Variants in DENND5A observed in about 807,000 individuals in gnomAD.
DENND5A encodes DENN domain containing 5A.
A neutral mutation model predicts 140.3 loss-of-function variants in DENND5A; 64 were observed. The observed-to-expected ratio is 0.46, with a 90% CI of 0.37 to 0.56. The LOEUF (loss-of-function observed/expected upper bound fraction) is 0.56. DENND5A is among the 20% of genes least tolerant of loss of function. DENND5A has a pLI of 0.00. For missense variants in DENND5A, 1,292 were observed against 1,593.8 expected (o/e 0.81, Z 3.22); for synonymous variants, 605 against 607.7 (o/e 1.00, Z 0.07).
chr11:9,206,803 T>A (rs910363398), intron 2 of DENND5A, 21 bp from the exon 3 acceptor site: 3 of 1,527,548 alleles, frequency 2.0e-6, no homozygotes, highest in Non-Finnish European at 1.8e-6. Context: ...AAGAATGAAG[T>A]AAATCATTTC....
At chr11:9,211,447 A>C (rs1484832124) in intron 1 of DENND5A, among the ~76,000 whole-genome samples, 1 of 152,164 alleles carries the variant, frequency 6.6e-6, no homozygotes, top group Non-Finnish European at 1.5e-5. Flanking sequence ...AAAATAAAAA[A>C]AGAATGCTCT....
intron 3 of DENND5A, among the ~76,000 whole-genome samples, chr11:9,204,795 G>T (rs1021883578): frequency 2.0e-5 from 3 of 152,330 alleles, no homozygotes; most frequent in Admixed American, 2.0e-4. Flanking sequence ...TCAGGAGACG[G>T]AGGTTGCAGT....
chr11:9,170,627 T>C lies in DENND5A; in HGVS notation c.2057A>G (p.Lys686Arg). The C allele has an allele frequency of 6.2e-7, 1 of 1,613,774 alleles. No homozygotes were observed. The highest frequency in any genetic ancestry group is 8.5e-7 in the Non-Finnish European group (1 of 1,179,948). The part of the protein sequence containing the change: ...DVLSTGPASN[K>R]WTKRNAPAQW... Reference sequence around the variant, plus strand: ...TAGTGAATCCCTGGGGTTGACTCACTTGTTGCTGGCTGGCCCAGTGGAAAG... The same window carrying C: ...TAGTGAATCCCTGGGGTTGACTCACCTGTTGCTGGCTGGCCCAGTGGAAAG... The change falls in exon 9 of 23, where the codon AAG becomes AGG. Residue 686 changes from lysine (K) to arginine (R), a missense_variant and splice_region_variant. Coordinates refer to ENST00000328194, the MANE Select transcript of DENND5A (RefSeq NM_015213.4).
At chr11:9,148,912 G>C (rs1847519534) in intron 15 of DENND5A, among the ~76,000 whole-genome samples, 2 of 152,338 alleles carry the variant, frequency 1.3e-5, no homozygotes, top group African/African-American at 4.8e-5. Flanking sequence ...GAGCAAGCGA[G>C]AAAGCAACAA....
Position 9,220,960 on chromosome 11 carries a change from T to C in DENND5A, c.110-13328A>G, listed in dbSNP as rs565186913. Among the ~76,000 whole-genome samples, 5 of 150,884 alleles carry C rather than the reference T, an allele frequency of 3.3e-5. No individual in the cohort carries two copies. The East Asian group carries it at 9.8e-4, about 29-fold the overall frequency. ...AGCCAGGCATAGTGGCGGGTGCCTG[T>C]AGACTCAGCTACTTGGGAGGCTGAG... On this transcript the variant is annotated intron_variant, in intron 1 of 22. Coordinates refer to ENST00000328194, the MANE Select transcript of DENND5A (RefSeq NM_015213.4).
rs373560106 is a variant in DENND5A, at chr11:9,161,614, T to C, written c.2284-749A>G. 2.8e-4 allele frequency among the ~76,000 whole-genome samples: 43 copies of C among 152,320 alleles called. 1 individual carries two copies. In the East Asian group the frequency reaches 7.3e-3, roughly 26 times the overall value. ...AATTGAGGAGGTAATTTATTTTACATAAAAATTTTCAACTGCTTATTGTAA... is the reference window on the plus strand; with the variant it reads ...AATTGAGGAGGTAATTTATTTTACACAAAAATTTTCAACTGCTTATTGTAA... On this transcript the variant is annotated intron_variant, in intron 11 of 22. Transcript: ENST00000328194.
chr11:9,162,986 G>C (rs1233736160), intron 11 of DENND5A, among the ~76,000 whole-genome samples: 1 of 151,840 alleles, frequency 6.6e-6, no homozygotes, highest in African/African-American at 2.4e-5. Context: ...TCACAGGTGT[G>C]TGCTGATACT....
At chr11:9,249,813 G>C (rs1226454786) in intron 1 of DENND5A, among the ~76,000 whole-genome samples, 1 of 151,946 alleles carries the variant, frequency 6.6e-6, no homozygotes, top group East Asian at 1.9e-4. Flanking sequence ...GCTTCCCAAA[G>C]TGCTGGGATT....
At chr11:9,240,498 C>T (rs543710501) in intron 1 of DENND5A, among the ~76,000 whole-genome samples, 32 of 151,636 alleles carry the variant, frequency 2.1e-4, no homozygotes, top group Admixed American at 8.5e-4. Flanking sequence ...TTACTTGAGT[C>T]CAGGAGTTAG....
chr11:9,257,733 C>G (rs1443238611), intron 1 of DENND5A, among the ~76,000 whole-genome samples: 1 of 151,600 alleles, frequency 6.6e-6, no homozygotes, highest in East Asian at 1.9e-4. Flanking sequence ...CCGCCCACCC[C>G]GGCCTCCCAA....
chr11:9,174,517 T>TTC (rs1491378972), intron 8 of DENND5A, among the ~76,000 whole-genome samples: 1 of 67,494 alleles, frequency 1.5e-5, no homozygotes, highest in Non-Finnish European at 3.4e-5. Flanking sequence ...AGGTTATTTC[T>TTC]TTTTTTTTTT....
At chr11:9,166,705 G>A (rs997330385) in intron 10 of DENND5A, among the ~76,000 whole-genome samples, 14 of 151,986 alleles carry the variant, frequency 9.2e-5, no homozygotes, top group African/African-American at 3.4e-4. Flanking sequence ...GGTGGTGCAT[G>A]CCTGTAATCC....
chr11:9,236,674 G>A (rs1207716853), intron 1 of DENND5A, among the ~76,000 whole-genome samples: 3 of 151,842 alleles, frequency 2.0e-5, no homozygotes, highest in Non-Finnish European at 4.4e-5. Flanking sequence ...TTGAGCCCAG[G>A]AGTTTGAGAC....
chr11:9,232,427 G>A (rs1356133003), intron 1 of DENND5A, among the ~76,000 whole-genome samples: 1 of 152,038 alleles, frequency 6.6e-6, no homozygotes, highest in African/African-American at 2.4e-5. Flanking sequence ...CAAAAGCCCT[G>A]AATAGATACT....
At chr11:9,243,919 T>C (rs1342136989) in intron 1 of DENND5A, among the ~76,000 whole-genome samples, 1 of 152,184 alleles carries the variant, frequency 6.6e-6, no homozygotes, top group Admixed American at 6.6e-5. Flanking sequence ...ATTTCCCTTA[T>C]GATTATGTTT....
chr11:9,251,048 T>C (rs943004489), intron 1 of DENND5A, among the ~76,000 whole-genome samples: 2 of 148,776 alleles, frequency 1.3e-5, no homozygotes, highest in African/African-American at 5.0e-5. Context: ...GGCAGGAGAA[T>C]CGCTTGAACC....
intron 4 of DENND5A, among the ~76,000 whole-genome samples, chr11:9,199,673 G>A (rs532565205): frequency 6.6e-6 from 1 of 152,268 alleles, no homozygotes; most frequent in South Asian, 2.1e-4. Flanking sequence ...TACACTTTCA[G>A]AATCTTACAA....
chr11:9,194,538 G>A (rs1472323296), intron 4 of DENND5A, among the ~76,000 whole-genome samples: 3 of 150,222 alleles, frequency 2.0e-5, no homozygotes, highest in South Asian at 4.2e-4. Context: ...AGCTGCACAC[G>A]CCAGCCAGTG....
intron 1 of DENND5A, among the ~76,000 whole-genome samples, chr11:9,259,491 G>A (rs917482401): frequency 1.3e-4 from 19 of 150,118 alleles, no homozygotes; most frequent in African/African-American, 3.9e-4. Context: ...GCGTGAACCC[G>A]GGAGGCGGAG....
Sources: gnomAD v4.1 joint callset for allele counts (sites outside exome capture counted in the v4.1 genomes callset) on GRCh38, gnomAD v4.1.1 for gene constraint, MANE v1.5 for transcripts, NCBI Gene and HGNC (gene_info 2026-07-23, HGNC 2026-07-21) for gene names.